MYO5B: variants seen among roughly 807,000 people sequenced by gnomAD.
MYO5B encodes unconventional myosin-Vb.
Under a neutral mutation model 229.3 loss-of-function variants are expected in MYO5B, and 143 were observed. That is an observed-to-expected ratio of 0.62 (90% confidence interval 0.54 to 0.72). The LOEUF is 0.72. Among genes scored for constraint, MYO5B ranks in the 30% least tolerant of loss-of-function variants. The probability of loss-of-function intolerance (pLI) is 0.00; values close to 1 mark genes in which losing one functional copy is unlikely to be tolerated. For synonymous variants in MYO5B, 918 were observed against 885.2 expected, an observed-to-expected ratio of 1.04 and a Z score of -0.66; for missense variants, 2,321 against 2,331.0, an observed-to-expected ratio of 1.00 and a Z score of 0.09.
chr18:50,135,380 T>C (rs1036451670), intron 1 of MYO5B, among the ~76,000 whole-genome samples: 1 of 152,232 alleles, frequency 6.6e-6, no homozygotes, highest in African/African-American at 2.4e-5. Context: ...TATGTAATGA[T>C]GAAAGGAGAA....
chr18:49,908,181 G>C (rs928696506), intron 18 of MYO5B, among the ~76,000 whole-genome samples: 3 of 152,170 alleles, frequency 2.0e-5, no homozygotes, highest in African/African-American at 7.2e-5. Context: ...GATATGCTCT[G>C]CAAGGCCACT....
chr18:49,882,353 CCG>C (rs2024596418), intron 22 of MYO5B, among the ~76,000 whole-genome samples: 2 of 151,478 alleles, frequency 1.3e-5, no homozygotes, highest in African/African-American at 2.4e-5. Context: ...CGGCCAGGTA[CCG>C]TGCGTGGCTC....
In MYO5B at chr18:49,825,761, A is replaced by G. The variant is rs2023836366; in HGVS notation, c.*710T>C. On this transcript the variant is annotated 3_prime_UTR_variant, in exon 40 of 40. Transcript: ENST00000285039. ...TTTCTCACTTGGAGTTTGGGATAGC[A>G]GCATTTTAATAATCTCTTCCATTAA... 1 of 152,724 alleles carries G rather than the reference A, an allele frequency of 6.5e-6. No individual in the cohort carries two copies. The highest frequency in any genetic ancestry group is 1.9e-4 in the East Asian group (1 of 5,202). 9.5% of individuals were successfully genotyped at this position (152,724 alleles called of 1,614,324 possible). A position where few individuals can be genotyped will look rare whatever the true frequency, so the allele number is the denominator to read the frequency against.
intron 27 of MYO5B, among the ~76,000 whole-genome samples, chr18:49,871,210 T>C (rs987538808): frequency 6.6e-6 from 1 of 152,190 alleles, no homozygotes. Flanking sequence ...TCTACTTACA[T>C]GAGGAACCTA....
chr18:50,103,201 A>G (rs908636602), intron 1 of MYO5B, among the ~76,000 whole-genome samples: 2 of 152,238 alleles, frequency 1.3e-5, no homozygotes, highest in African/African-American at 4.8e-5. Flanking sequence ...TCAACAGTGG[A>G]CCAAAAGGTC....
At chr18:50,149,635 T>G (rs1197096555) in intron 1 of MYO5B, among the ~76,000 whole-genome samples, 10 of 149,638 alleles carry the variant, frequency 6.7e-5, no homozygotes, top group South Asian at 2.1e-4. Flanking sequence ...TAGCCATATG[T>G]AGAAAGCTGA....
rs777961930 is a variant in MYO5B, at chr18:49,902,761, G to A, written c.2644C>T (p.Arg882Trp). ...ATGACAATGGCTGCATCCCGCAGCC[G>A]CTGGAAGTGCCTGCGTGCCATCCAG... ...RGWMARRHFQ[R>W]LRDAAIVIQC... Residue 882 changes from arginine to tryptophan, a missense_variant, in exon 21 of 40, where the codon CGG becomes TGG. Arg to Trp is a moderately radical substitution (Grantham distance 101). Transcript: ENST00000285039. 135 of 1,606,236 alleles carry A rather than the reference G, an allele frequency of 8.4e-5. 1 individual carries two copies. The East Asian group carries it at 1.7e-3, about 21-fold the overall frequency.
chr18:49,901,391 G>T (rs968409650), intron 21 of MYO5B, among the ~76,000 whole-genome samples: 3 of 152,192 alleles, frequency 2.0e-5, no homozygotes, highest in African/African-American at 7.2e-5. Context: ...CGAATCTCTT[G>T]TACTACGTTG....
chr18:49,995,350 G>A (rs1230189499), intron 5 of MYO5B, among the ~76,000 whole-genome samples: 3 of 150,598 alleles, frequency 2.0e-5, no homozygotes, highest in African/African-American at 7.4e-5. Context: ...TGTCTCCCAG[G>A]TTCACGCCAT....
At chr18:50,008,145 G>T (rs1231579290) in intron 4 of MYO5B, among the ~76,000 whole-genome samples, 1 of 152,156 alleles carries the variant, frequency 6.6e-6, no homozygotes, top group East Asian at 1.9e-4. Flanking sequence ...TAGCCTCAGT[G>T]TAAGTTTAAA....
chr18:49,920,925 T>C (rs2025067224), intron 17 of MYO5B, among the ~76,000 whole-genome samples: 1 of 152,070 alleles, frequency 6.6e-6, no homozygotes, highest in Non-Finnish European at 1.5e-5. Context: ...CGAAGACAGA[T>C]CTCACACAAA....
chr18:49,875,430 G>C (rs536602761), intron 26 of MYO5B, among the ~76,000 whole-genome samples: 26 of 152,256 alleles, frequency 1.7e-4, no homozygotes, highest in Middle Eastern at 3.4e-3. Context: ...TTGCAAGTAG[G>C]TGATGATGCC....
intron 1 of MYO5B, among the ~76,000 whole-genome samples, chr18:50,185,321 A>C (rs910903276): frequency 1.3e-5 from 2 of 152,016 alleles, no homozygotes; most frequent in Non-Finnish European, 2.9e-5. Flanking sequence ...GAGAGAAAGA[A>C]CAATGACCCG....
intron 31 of MYO5B, 35 bp from the exon 32 acceptor site, chr18:49,849,695 C>T: frequency 6.5e-7 from 1 of 1,541,490 alleles, no homozygotes; most frequent in Non-Finnish European, 9.0e-7. Flanking sequence ...GAACAGACAT[C>T]AGCCCGGCCT....
chr18:49,902,714 G>A lies in MYO5B; in HGVS notation c.2691C>T (p.Leu897=), dbSNP rs1313264641. ...AIVIQCAFRM[L]KARRELKALR... is the part of the protein sequence containing the mutation. ...GGGCCTTCAGCTCCCGCCTGGCCTT[G>A]AGCATCCGGAAGGCACACTGGATGA... The change falls in exon 21 of 40, where the codon CTC becomes CTT. Residue 897 remains leucine (L), a synonymous_variant. Transcript: ENST00000285039. 1 of 1,611,350 alleles carries A rather than the reference G, an allele frequency of 6.2e-7. No individual in the cohort carries two copies. The highest frequency in any genetic ancestry group is 1.7e-5 in the Admixed American group (1 of 60,024).
chr18:50,165,515 C>T lies in MYO5B; in HGVS notation c.27+29252G>A, dbSNP rs566440494. On this transcript the variant is annotated intron_variant, in intron 1 of 39. Transcript: ENST00000285039. ...GAAAGGCCAGGCACAGTGGCTCACG[C>T]GTGTAATCCCATGACTTTGGGAGGC... Among the ~76,000 whole-genome samples the T allele has an allele frequency of 3.5e-4, 54 of 152,232 alleles. 1 individual carries two copies. The highest frequency in any genetic ancestry group is 1.2e-3 in the African/African-American group (49 of 41,518).
intron 1 of MYO5B, among the ~76,000 whole-genome samples, chr18:50,095,861 C>T (rs2031540060): frequency 6.6e-6 from 1 of 152,224 alleles, no homozygotes; most frequent in South Asian, 2.1e-4. Context: ...ACCTTCAGAG[C>T]TTCTTTGCTT....
intron 1 of MYO5B, among the ~76,000 whole-genome samples, chr18:50,183,519 A>C (rs2033105614): frequency 6.6e-6 from 1 of 151,840 alleles, no homozygotes; most frequent in Admixed American, 6.6e-5. Flanking sequence ...AATGCCTATT[A>C]AAGTGTCAAG....
chr18:49,875,943 C>T (rs1451489541), intron 25 of MYO5B, 116 bp from the exon 26 acceptor site: 1 of 1,162,158 alleles, frequency 8.6e-7, no homozygotes, highest in Non-Finnish European at 1.3e-6. Flanking sequence ...TCCTCCCAAA[C>T]ATCAATTTGC....
Sources: gnomAD v4.1 joint callset for allele counts (sites outside exome capture counted in the v4.1 genomes callset) on GRCh38, gnomAD v4.1.1 for gene constraint, MANE v1.5 for transcripts, NCBI Gene and HGNC (gene_info 2026-07-23, HGNC 2026-07-21) for gene names.